RBFOX1: variants seen among roughly 807,000 people sequenced by gnomAD.
The protein encoded by RBFOX1 is RNA binding protein fox-1 homolog 1.
RBFOX1 carries 8 observed loss-of-function variants against 57.7 expected under a neutral mutation model. That is an observed-to-expected ratio of 0.14 (90% CI 0.08 to 0.25). The LOEUF is 0.25. Ranked by LOEUF, RBFOX1 falls within the 10% of genes least tolerant of loss-of-function variation. The probability of loss-of-function intolerance (pLI) is 1.00; values close to 1 mark genes in which losing one functional copy is unlikely to be tolerated. For missense variants in RBFOX1, 611 were observed against 548.5 expected, an observed-to-expected ratio of 1.11 and a Z score of -1.14; for synonymous variants, 326 against 222.4, an observed-to-expected ratio of 1.47 and a Z score of -4.15.
intron 2 of RBFOX1, among the ~76,000 whole-genome samples, chr16:5,525,086 C>G (rs561662139): frequency 6.6e-6 from 1 of 152,250 alleles, no homozygotes; most frequent in Non-Finnish European, 1.5e-5. Context: ...ACACTGCTCC[C>G]CTGGTGTCTA....
intron 4 of RBFOX1, among the ~76,000 whole-genome samples, chr16:7,224,615 G>T (rs1406738833): frequency 6.6e-6 from 1 of 152,140 alleles, no homozygotes; most frequent in Non-Finnish European, 1.5e-5. Flanking sequence ...GGGTGGGTTA[G>T]GGGGAGGTAA....
chr16:7,236,280 A>G (rs1214233758), intron 4 of RBFOX1, among the ~76,000 whole-genome samples: 1 of 152,230 alleles, frequency 6.6e-6, no homozygotes, highest in Non-Finnish European at 1.5e-5. Context: ...TAGGGTTAAT[A>G]GGATGTATTT....
At chr16:5,880,026 G>T (rs947108184) in intron 4 of RBFOX1, among the ~76,000 whole-genome samples, 1 of 152,208 alleles carries the variant, frequency 6.6e-6, no homozygotes, top group Admixed American at 6.5e-5. Context: ...TTAAATGCCT[G>T]CCATGGTGTG....
At chr16:6,443,868 ATCCC>A (rs949025212) in intron 2 of RBFOX1, among the ~76,000 whole-genome samples, 14 of 151,924 alleles carry the variant, frequency 9.2e-5, no homozygotes, top group African/African-American at 3.4e-4. Flanking sequence ...CCATCCATCC[ATCCC>A]TCCATCCATG....
intron 3 of RBFOX1, among the ~76,000 whole-genome samples, chr16:7,018,255 C>G (rs2094014976): frequency 6.6e-6 from 1 of 152,108 alleles, no homozygotes; most frequent in Non-Finnish European, 1.5e-5. Flanking sequence ...TAGGTGTTTC[C>G]TCCAGCTTCT....
chr16:6,695,079 A>G (rs980090045), intron 3 of RBFOX1, among the ~76,000 whole-genome samples: 11 of 152,150 alleles, frequency 7.2e-5, no homozygotes, highest in Admixed American at 2.0e-4. Context: ...GATGAATGCT[A>G]TTTCAGAAAG....
rs2095033989 is a variant in RBFOX1, at chr16:6,019,940, C to T, written c.-179C>T. On this transcript the variant is annotated 5_prime_UTR_variant, in exon 1 of 16. Coordinates refer to ENST00000550418, the MANE Select transcript of RBFOX1 (RefSeq NM_018723.4). The surrounding 1 kb of genome is among the most constrained non-coding windows in gnomAD (Gnocchi z 4.2). ...GGGGTGCAGAGAGCGCACGGGAATT[C>T]GGGGGTCTGGGGCCGAGAACGTGAC... is the stretch of plus-strand genomic sequence containing the variant. 6 of 1,534,334 alleles carry T rather than the reference C, an allele frequency of 3.9e-6. No individual in the cohort carries two copies. The highest frequency in any genetic ancestry group is 4.9e-5 in the East Asian group (2 of 40,798).
intron 4 of RBFOX1, among the ~76,000 whole-genome samples, chr16:7,166,275 A>AC (rs2079492851): frequency 6.9e-6 from 1 of 145,108 alleles, no homozygotes; most frequent in Non-Finnish European, 1.5e-5. Context: ...CGGACTTCCC[A>AC]AGTGCTGGGA....
intron 3 of RBFOX1, among the ~76,000 whole-genome samples, chr16:6,671,205 C>A (rs1024164553): frequency 6.6e-6 from 1 of 152,086 alleles, no homozygotes; most frequent in African/African-American, 2.4e-5. Flanking sequence ...CTTGCAATGT[C>A]AAAATATTGG....
intron 3 of RBFOX1, among the ~76,000 whole-genome samples, chr16:6,931,399 T>C (rs140767501): frequency 9.6e-4 from 146 of 151,438 alleles, no homozygotes; most frequent in African/African-American, 3.4e-3. Context: ...ATGTGTATGT[T>C]TATGTGTGCA....
At chr16:6,207,593 T>A (rs11642849) in intron 1 of RBFOX1, among the ~76,000 whole-genome samples, 63,239 of 152,090 alleles carry the variant, frequency 0.42, 13,404 homozygotes, top group East Asian at 0.72. Flanking sequence ...AAGAAACAGA[T>A]TGCCATATAT....
At chr16:6,959,733 T>A (rs1239968309) in intron 3 of RBFOX1, among the ~76,000 whole-genome samples, 2 of 152,084 alleles carry the variant, frequency 1.3e-5, no homozygotes, top group Non-Finnish European at 1.5e-5. Context: ...GGTCAGGAGT[T>A]CGAGACCAGC....
At chr16:5,744,486 A>G (rs989626577) in intron 3 of RBFOX1, among the ~76,000 whole-genome samples, 3 of 152,172 alleles carry the variant, frequency 2.0e-5, no homozygotes, top group Admixed American at 6.5e-5. Context: ...TTCATATGGC[A>G]TCATCGGTCA....
At chr16:6,458,398 T>C (rs1374519967) in intron 2 of RBFOX1, among the ~76,000 whole-genome samples, 3 of 152,202 alleles carry the variant, frequency 2.0e-5, no homozygotes, top group Non-Finnish European at 2.9e-5. Flanking sequence ...TTAATGAAGA[T>C]AGCCGTAGAA....
At chr16:5,895,869 C>G (rs1211075798) in intron 4 of RBFOX1, among the ~76,000 whole-genome samples, 1 of 152,002 alleles carries the variant, frequency 6.6e-6, no homozygotes, top group African/African-American at 2.4e-5. Flanking sequence ...GACCTTAAGG[C>G]CAATCACAAA....
chr16:6,718,887 G>A (rs1053187519), intron 3 of RBFOX1, among the ~76,000 whole-genome samples: 2 of 151,920 alleles, frequency 1.3e-5, no homozygotes, highest in Non-Finnish European at 2.9e-5. Flanking sequence ...TTTTGAGACA[G>A]AGTCTTGTAC....
intron 2 of RBFOX1, among the ~76,000 whole-genome samples, chr16:6,397,695 C>T (rs2092899412): frequency 6.6e-6 from 1 of 152,174 alleles, no homozygotes; most frequent in Admixed American, 6.5e-5. Flanking sequence ...GATGACATCA[C>T]TGTTTTTTGG....
intron 4 of RBFOX1, among the ~76,000 whole-genome samples, chr16:7,407,357 T>G (rs975872087): frequency 3.6e-5 from 5 of 139,698 alleles, no homozygotes; most frequent in African/African-American, 1.3e-4. Flanking sequence ...AATTTTGACT[T>G]CAAGGGATTT....
chr16:6,552,170 C>T (rs968641677), intron 2 of RBFOX1, among the ~76,000 whole-genome samples: 6 of 152,178 alleles, frequency 3.9e-5, no homozygotes, highest in Admixed American at 3.3e-4. Flanking sequence ...AAAGTTGGAA[C>T]ACATCTAGTA....
Sources: gnomAD v4.1 joint callset for allele counts (sites outside exome capture counted in the v4.1 genomes callset) on GRCh38, gnomAD v4.1.1 for gene constraint, Gnocchi (gnomAD v3.1) non-coding constraint, MANE v1.5 for transcripts, NCBI Gene and HGNC (gene_info 2026-07-23, HGNC 2026-07-21) for gene names.